SEMA3E: variants seen among roughly 807,000 people sequenced by gnomAD.
SEMA3E encodes the protein semaphorin 3E.
SEMA3E carries 49 observed loss-of-function variants against 93.6 expected under a neutral mutation model. That is an observed-to-expected ratio of 0.52 (90% CI 0.42 to 0.66). SEMA3E has a LOEUF of 0.66. SEMA3E is among the 30% of genes least tolerant of loss of function. The probability of loss-of-function intolerance (pLI) is 0.00; values close to 1 mark genes in which losing one functional copy is unlikely to be tolerated. For missense variants in SEMA3E, 906 were observed against 964.8 expected (o/e 0.94, Z 0.81); for synonymous variants, 363 against 330.7 (o/e 1.10, Z -1.06).
chr7:83,459,698 C>G lies in SEMA3E; in HGVS notation c.456+6784G>C, dbSNP rs541222120. On this transcript the variant is annotated intron_variant, in intron 4 of 16. Transcript: ENST00000643230. ...GGCCTCTGAGCCCAAGCCAAGCCAT[C>G]GCATCCCCTGTGACTTGCACGTATT... Among the ~76,000 whole-genome samples the G allele has an allele frequency of 3.3e-5, 5 of 152,280 alleles. No individual in the cohort carries two copies. In the East Asian group the frequency reaches 7.7e-4, roughly 24 times the overall value.
rs576201716 is a variant in SEMA3E, at chr7:83,603,079, A to G, written c.115+45349T>C. Among the ~76,000 whole-genome samples, 31 of 152,306 alleles carry G rather than the reference A, an allele frequency of 2.0e-4. No homozygotes were observed. The East Asian group carries it at 5.4e-3, about 27-fold the overall frequency. On this transcript the variant is annotated intron_variant, in intron 1 of 16. Coordinates refer to ENST00000643230, the MANE Select transcript of SEMA3E (RefSeq NM_012431.3). ...TGCGTAGGTCCAAGAAAAAGAAGCT[A>G]TATTGTATAAGGTTTCTTCGATAAG... is the stretch of plus-strand genomic sequence containing the variant.
intron 10 of SEMA3E, 21 bp from the exon 11 acceptor site, chr7:83,400,271 A>G (rs1441985805): frequency 1.9e-6 from 3 of 1,609,432 alleles, no homozygotes; most frequent in Non-Finnish European, 2.6e-6. Context: ...AGTGGATCAG[A>G]TAATTCTTTT....
intron 4 of SEMA3E, 75 bp from the exon 5 acceptor site, chr7:83,418,558 T>A (rs527767841): frequency 2.0e-6 from 2 of 990,462 alleles, no homozygotes; most frequent in African/African-American, 3.2e-5. Context: ...GTAAAACATA[T>A]GAAACTTCGA....
chr7:83,572,456 T>C lies in SEMA3E; in HGVS notation c.115+75972A>G, dbSNP rs566656307. 2.6e-5 allele frequency among the ~76,000 whole-genome samples: 4 copies of C among 152,114 alleles called. No homozygotes were observed. The South Asian group carries it at 8.3e-4, about 32-fold the overall frequency. Reference sequence around the variant, plus strand: ...GAGATCGAGACCATCCTGGCCAACATGGTGAAACCCCGTCTCTACTAAAAA... The same window carrying C: ...GAGATCGAGACCATCCTGGCCAACACGGTGAAACCCCGTCTCTACTAAAAA... On this transcript the variant is annotated intron_variant, in intron 1 of 16. Transcript: ENST00000643230.
chr7:83,512,478 A>G (rs760313906), intron 1 of SEMA3E, among the ~76,000 whole-genome samples: 2 of 152,244 alleles, frequency 1.3e-5, no homozygotes, highest in Non-Finnish European at 2.9e-5. Flanking sequence ...ATGCTGAGTA[A>G]GATAAGGCAA....
chr7:83,595,898 A>G (rs1392438050), intron 1 of SEMA3E, among the ~76,000 whole-genome samples: 4 of 152,096 alleles, frequency 2.6e-5, no homozygotes, highest in African/African-American at 9.7e-5. Flanking sequence ...GGGAGAAATA[A>G]TTTATGACTA....
chr7:83,383,356 CAT>C (rs764466740), intron 16 of SEMA3E, among the ~76,000 whole-genome samples: 26 of 151,112 alleles, frequency 1.7e-4, no homozygotes, highest in Non-Finnish European at 3.2e-4. Context: ...AAAAAAGAGA[CAT>C]ATAAATGGCA....
chr7:83,618,890 C>T (rs42018), intron 1 of SEMA3E, among the ~76,000 whole-genome samples: 99,940 of 151,640 alleles, frequency 0.66, 34,360 homozygotes, highest in African/African-American at 0.87. Context: ...ATTTTCATCA[C>T]ATATGATACT....
At chr7:83,502,440 A>C (rs969355685) in intron 1 of SEMA3E, among the ~76,000 whole-genome samples, 3 of 152,074 alleles carry the variant, frequency 2.0e-5, no homozygotes, top group African/African-American at 7.2e-5. Context: ...CTTTTCTCAC[A>C]GAGCTCTAGG....
intron 1 of SEMA3E, among the ~76,000 whole-genome samples, chr7:83,594,525 C>T (rs1027894369): frequency 1.3e-5 from 2 of 152,076 alleles, no homozygotes; most frequent in Non-Finnish European, 2.9e-5. Context: ...ATAATTATAG[C>T]GCTGTGCTGT....
At chr7:83,408,023 A>C (rs1312255153) in intron 6 of SEMA3E, among the ~76,000 whole-genome samples, 4 of 152,170 alleles carry the variant, frequency 2.6e-5, no homozygotes, top group Non-Finnish European at 2.9e-5. Flanking sequence ...AGGGCAATCA[A>C]TTCATCAAAG....
intron 1 of SEMA3E, among the ~76,000 whole-genome samples, chr7:83,503,727 G>A (rs1370997130): frequency 6.6e-6 from 1 of 152,130 alleles, no homozygotes; most frequent in Non-Finnish European, 1.5e-5. Flanking sequence ...AAGTATTTGT[G>A]TATTTGAATA....
intron 2 of SEMA3E, among the ~76,000 whole-genome samples, chr7:83,477,423 T>G (rs1194519438): frequency 6.6e-6 from 1 of 152,102 alleles, no homozygotes; most frequent in Non-Finnish European, 1.5e-5. Context: ...AAATATATTT[T>G]GAATAGAACA....
intron 1 of SEMA3E, among the ~76,000 whole-genome samples, chr7:83,602,265 A>T (rs1793012249): frequency 6.6e-6 from 1 of 152,210 alleles, no homozygotes; most frequent in African/African-American, 2.4e-5. Context: ...AAGCTAGGAA[A>T]TGTGAGAAAA....
intron 14 of SEMA3E, among the ~76,000 whole-genome samples, chr7:83,387,676 T>C (rs1203012537): frequency 6.6e-6 from 1 of 151,512 alleles, no homozygotes; most frequent in Non-Finnish European, 1.5e-5. Flanking sequence ...CTAGTGGGAC[T>C]CAAGAAATAT....
At chr7:83,609,128 C>A (rs1228250669) in intron 1 of SEMA3E, among the ~76,000 whole-genome samples, 2 of 152,042 alleles carry the variant, frequency 1.3e-5, no homozygotes, top group East Asian at 3.9e-4. Flanking sequence ...AATGTTTTAA[C>A]CTCTACTGTA....
chr7:83,430,347 G>T lies in SEMA3E; in HGVS notation c.457-11864C>A, dbSNP rs1266880221. Among the ~76,000 whole-genome samples, 5 of 151,708 alleles carry T rather than the reference G, an allele frequency of 3.3e-5. No individual in the cohort carries two copies. The East Asian group carries it at 9.7e-4, about 29-fold the overall frequency. ...GGGCATAGTGGTGCACACCTGTAATGCCAGCTACTCAGGAGGCTGAGGCAT... is the reference window on the plus strand; with the variant it reads ...GGGCATAGTGGTGCACACCTGTAATTCCAGCTACTCAGGAGGCTGAGGCAT... On this transcript the variant is annotated intron_variant, in intron 4 of 16. Coordinates refer to ENST00000643230, the MANE Select transcript of SEMA3E (RefSeq NM_012431.3).
At chr7:83,541,956 G>C (rs17157766) in intron 1 of SEMA3E, among the ~76,000 whole-genome samples, 33,488 of 151,802 alleles carry the variant, frequency 0.22, 3,887 homozygotes, top group East Asian at 0.39. Flanking sequence ...GAGAAGGTGG[G>C]AAGAGTCTGA....
At chr7:83,595,833 G>A (rs1792861842) in intron 1 of SEMA3E, among the ~76,000 whole-genome samples, 1 of 151,994 alleles carries the variant, frequency 6.6e-6, no homozygotes, top group South Asian at 2.1e-4. Context: ...TTAAGGTGGT[G>A]TCTGCCAGGT....
Sources: gnomAD v4.1 joint callset for allele counts (sites outside exome capture counted in the v4.1 genomes callset) on GRCh38, gnomAD v4.1.1 for gene constraint, MANE v1.5 for transcripts, NCBI Gene and HGNC (gene_info 2026-07-23, HGNC 2026-07-21) for gene names.